CEP120: variants seen among roughly 807,000 people sequenced by gnomAD.
CEP120 encodes centrosomal protein 120, also known as centrosomal protein of 120 kDa.
A neutral mutation model predicts 126.5 loss-of-function variants in CEP120; 113 were observed. The ratio of observed to expected loss-of-function variants is 0.89; its 90% CI spans 0.77 to 1.04. The LOEUF (loss-of-function observed/expected upper bound fraction) is 1.04. CEP120 is among the 50% of genes least tolerant of loss of function. The pLI is 0.00. For synonymous variants in CEP120, 400 were observed against 394.3 expected (o/e 1.01, Z -0.17); for missense variants, 1,230 against 1,155.7 (o/e 1.06, Z -0.93).
chr5:123,400,658 G>GA (rs1773134391), intron 4 of CEP120, among the ~76,000 whole-genome samples: 1 of 99,860 alleles, frequency 1.0e-5, no homozygotes, highest in Non-Finnish European at 2.0e-5. Flanking sequence ...TATATATATG[G>GA]CTTTTTTTTT....
intron 18 of CEP120, among the ~76,000 whole-genome samples, chr5:123,361,763 T>C (rs1770093550): frequency 6.6e-6 from 1 of 151,834 alleles, no homozygotes; most frequent in Admixed American, 6.6e-5. Flanking sequence ...AACAGCTTTA[T>C]GGCTCATCTC....
At chr5:123,377,607 T>C in intron 15 of CEP120, 72 bp from the exon 16 acceptor site, 1 of 1,134,452 alleles carries the variant, frequency 8.8e-7, no homozygotes, top group Non-Finnish European at 1.2e-6. Context: ...TTCCAATATC[T>C]TTCTATACAC....
At chr5:123,418,598 GGT>G (rs1491222304) in intron 1 of CEP120, 83 bp from the exon 2 acceptor site, 41 of 1,127,390 alleles carry the variant, frequency 3.6e-5, no homozygotes, top group Middle Eastern at 2.3e-4. Context: ...TTGTTTGGCT[GGT>G]TTTTTTTTTT....
intron 7 of CEP120, chr5:123,390,359 A>C (rs1295323352): frequency 3.3e-6 from 2 of 610,970 alleles, no homozygotes; most frequent in Non-Finnish European, 6.1e-6. Context: ...GAATACCAAA[A>C]TGCATCCTAA....
intron 4 of CEP120, among the ~76,000 whole-genome samples, chr5:123,409,856 C>T (rs1773919558): frequency 6.6e-6 from 1 of 151,386 alleles, no homozygotes; most frequent in South Asian, 2.1e-4. Context: ...ACTCAGGAGG[C>T]TGAGGCAGGA....
intron 18 of CEP120, among the ~76,000 whole-genome samples, chr5:123,357,485 C>A (rs1241144085): frequency 6.6e-6 from 1 of 152,228 alleles, no homozygotes; most frequent in East Asian, 1.9e-4. Flanking sequence ...GTATTTCAAA[C>A]TTCTTGTCTG....
In CEP120 at chr5:123,386,676, T is replaced by TAAAAAAAAAAA. The variant is rs75744800; in HGVS notation, c.1431-20_1431-10dup. The TAAAAAAAAAAA allele has an allele frequency of 3.3e-6, 2 of 611,070 alleles. No individual in the cohort carries two copies. The highest frequency in any genetic ancestry group is 4.3e-6 in the Non-Finnish European group (2 of 467,962). The allele number at this position is 611,070 out of a possible 1,614,324, so 37.9% of individuals were successfully genotyped here. On this transcript the variant is annotated splice_polypyrimidine_tract_variant and intron_variant, in intron 9 of 19. Transcript: ENST00000306467. Reference sequence around the variant, plus strand: ...AGAATGGATATGAGTACCTAGAATTTAAAAAAAAAAAAAAAAAAAAAAGCC... The same window carrying TAAAAAAAAAAA: ...AGAATGGATATGAGTACCTAGAATTTAAAAAAAAAAAAAAAAAAAAAAAAAAAAAAAAAGCC...
intron 1 of CEP120, among the ~76,000 whole-genome samples, chr5:123,422,308 A>T (rs1038314682): frequency 1.4e-4 from 22 of 152,040 alleles, no homozygotes; most frequent in African/African-American, 5.1e-4. Context: ...GTGGTCATTC[A>T]TTAGGGTCTT....
chr5:123,369,521 C>T (rs182777471), intron 17 of CEP120, among the ~76,000 whole-genome samples: 2 of 151,992 alleles, frequency 1.3e-5, no homozygotes, highest in African/African-American at 4.8e-5. Flanking sequence ...CTTGTACATT[C>T]TCCTTCCCTC....
intron 16 of CEP120, among the ~76,000 whole-genome samples, chr5:123,373,402 G>C (rs1287121974): frequency 6.6e-6 from 1 of 152,094 alleles, no homozygotes; most frequent in Non-Finnish European, 1.5e-5. Flanking sequence ...GGGAGATCCA[G>C]TTTACTAAAA....
intron 4 of CEP120, among the ~76,000 whole-genome samples, chr5:123,411,253 CTTTG>C (rs1374901483): frequency 3.9e-5 from 6 of 152,182 alleles, no homozygotes. Flanking sequence ...AGCACGGCCA[CTTTG>C]GAAGGCAGTG....
At chr5:123,409,748 A>T (rs1773913418) in intron 4 of CEP120, among the ~76,000 whole-genome samples, 1 of 152,110 alleles carries the variant, frequency 6.6e-6, no homozygotes, top group Non-Finnish European at 1.5e-5. Flanking sequence ...ACCTGAGGTC[A>T]GTAGTTTGAG....
At chr5:123,395,210 C>T (rs999540930) in intron 5 of CEP120, among the ~76,000 whole-genome samples, 2 of 152,118 alleles carry the variant, frequency 1.3e-5, no homozygotes, top group Non-Finnish European at 2.9e-5. Context: ...TCTTTATTAT[C>T]CTGATATTTA....
At chr5:123,369,452 T>C (rs1162584906) in intron 17 of CEP120, among the ~76,000 whole-genome samples, 1 of 152,030 alleles carries the variant, frequency 6.6e-6, no homozygotes, top group East Asian at 1.9e-4. Context: ...TATAACTCTA[T>C]TAGAATAAAA....
chr5:123,357,229 G>A (rs1042083408), intron 18 of CEP120, among the ~76,000 whole-genome samples: 3 of 151,978 alleles, frequency 2.0e-5, no homozygotes, highest in Admixed American at 1.3e-4. Flanking sequence ...TTTGCTTTTT[G>A]TCAATTTTGC....
intron 16 of CEP120, among the ~76,000 whole-genome samples, chr5:123,374,191 A>G (rs959417130): frequency 1.3e-5 from 2 of 152,006 alleles, no homozygotes; most frequent in South Asian, 4.1e-4. Context: ...ATTTGGTTCA[A>G]TTCCTTCATA....
At chr5:123,375,474 C>T (rs10478580) in intron 16 of CEP120, among the ~76,000 whole-genome samples, 7,766 of 152,028 alleles carry the variant, frequency 0.051, 282 homozygotes, top group South Asian at 0.1. Context: ...AGGTGTGCAC[C>T]ACTATGCCTG....
chr5:123,375,303 T>C (rs1375134420), intron 16 of CEP120, among the ~76,000 whole-genome samples: 2 of 151,942 alleles, frequency 1.3e-5, no homozygotes, highest in African/African-American at 4.8e-5. Flanking sequence ...AACTACACCA[T>C]ATACAACACC....
chr5:123,365,270 A>G (rs1392929269), intron 17 of CEP120, among the ~76,000 whole-genome samples: 2 of 151,706 alleles, frequency 1.3e-5, no homozygotes, highest in Admixed American at 1.3e-4. Context: ...AAATATGATT[A>G]TTTATACTTG....
Sources: gnomAD v4.1 joint callset for allele counts (sites outside exome capture counted in the v4.1 genomes callset) on GRCh38, gnomAD v4.1.1 for gene constraint, MANE v1.5 for transcripts, NCBI Gene and HGNC (gene_info 2026-07-23, HGNC 2026-07-21) for gene names.